EPM2A: variants seen among roughly 807,000 people sequenced by gnomAD.
EPM2A encodes laforin.
EPM2A carries 21 observed loss-of-function variants against 26.5 expected under a neutral mutation model. That is an observed-to-expected ratio of 0.79 (90% CI 0.56 to 1.14). The LOEUF (loss-of-function observed/expected upper bound fraction) is 1.14, where lower values mean the gene tolerates loss of function less well. Among genes scored for constraint, EPM2A ranks in the 50% most tolerant of loss-of-function variants. The pLI is 0.00. For synonymous variants in EPM2A, 217 were observed against 177.6 expected (o/e 1.22, Z -1.76); for missense variants, 458 against 440.8 (o/e 1.04, Z -0.35).
chr6:145,420,961 G>A (rs781297573), intron 4 of EPM2A, among the ~76,000 whole-genome samples: 1 of 152,122 alleles, frequency 6.6e-6, no homozygotes, highest in Non-Finnish European at 1.5e-5. Context: ...TATGAGAGCA[G>A]AGCCTTTGGG....
intron 2 of EPM2A, among the ~76,000 whole-genome samples, chr6:145,678,092 C>T (rs960515547): frequency 2.6e-4 from 40 of 152,042 alleles, no homozygotes; most frequent in African/African-American, 9.2e-4. Context: ...TATAGACTAA[C>T]GGAACACAAC....
intron 4 of EPM2A, among the ~76,000 whole-genome samples, chr6:145,445,204 C>T (rs1235804746): frequency 1.3e-5 from 2 of 152,040 alleles, no homozygotes; most frequent in East Asian, 1.9e-4. Context: ...ATGTACACAG[C>T]CCTAGGCATG....
intron 4 of EPM2A, among the ~76,000 whole-genome samples, chr6:145,408,391 T>C (rs994954188): frequency 6.6e-6 from 1 of 152,200 alleles, no homozygotes; most frequent in Non-Finnish European, 1.5e-5. Context: ...ATGAAGTTCA[T>C]GAATTGATTT....
chr6:145,392,751 G>C (rs1039025074), intron 4 of EPM2A, among the ~76,000 whole-genome samples: 1 of 152,092 alleles, frequency 6.6e-6, no homozygotes, highest in African/African-American at 2.4e-5. Context: ...CTCAGTGGTT[G>C]TCAATTGCTC....
At chr6:145,521,039 G>A (rs2114773604) in intron 2 of EPM2A, among the ~76,000 whole-genome samples, 1 of 152,282 alleles carries the variant, frequency 6.6e-6, no homozygotes, top group South Asian at 2.1e-4. Flanking sequence ...GATGAGACAG[G>A]CAAAAGGAGA....
At chr6:145,612,214 C>T (rs1270183219) in intron 2 of EPM2A, among the ~76,000 whole-genome samples, 3 of 152,062 alleles carry the variant, frequency 2.0e-5, no homozygotes, top group South Asian at 2.1e-4. Context: ...ATTTTATTTG[C>T]GTATTTATTT....
chr6:145,405,861 C>T (rs570713286), intron 4 of EPM2A, among the ~76,000 whole-genome samples: 11 of 152,054 alleles, frequency 7.2e-5, no homozygotes, highest in African/African-American at 2.7e-4. Flanking sequence ...AGTGTTTATA[C>T]CCACTTTACA....
downstream of EPM2A, among the ~76,000 whole-genome samples, chr6:145,499,618 T>C (rs1779862206): frequency 6.6e-6 from 1 of 152,224 alleles, no homozygotes; most frequent in East Asian, 1.9e-4. Context: ...TACTCAGAAA[T>C]ATTGTTTCAT....
At chr6:145,608,600 A>G (rs1281721466) in intron 2 of EPM2A, among the ~76,000 whole-genome samples, 1 of 130,734 alleles carries the variant, frequency 7.6e-6, no homozygotes, top group Non-Finnish European at 1.8e-5. Flanking sequence ...GTGGTACTAA[A>G]GAAAAAAAAA....
intron 4 of EPM2A, among the ~76,000 whole-genome samples, chr6:145,392,753 C>T (rs1778354489): frequency 6.6e-6 from 1 of 152,076 alleles, no homozygotes; most frequent in Middle Eastern, 3.2e-3. Flanking sequence ...CAGTGGTTGT[C>T]AATTGCTCCA....
intron 2 of EPM2A, among the ~76,000 whole-genome samples, chr6:145,645,141 G>C (rs1298853562): frequency 6.6e-6 from 1 of 152,090 alleles, no homozygotes; most frequent in Middle Eastern, 3.2e-3. Flanking sequence ...TTTTATTTAA[G>C]ATCATCTCTT....
intron 1 of EPM2A, among the ~76,000 whole-genome samples, chr6:145,698,788 T>C (rs1781759973): frequency 6.6e-6 from 1 of 151,942 alleles, no homozygotes; most frequent in Non-Finnish European, 1.5e-5. Flanking sequence ...TTAATTAAGG[T>C]AAAACAAGAT....
intron 2 of EPM2A, chr6:145,638,541 T>C (rs1776861390): frequency 6.6e-6 from 1 of 152,224 alleles, no homozygotes; most frequent in African/African-American, 2.4e-5. Context: ...CCTTAAAATA[T>C]ACATCCAGAC....
At chr6:145,692,896 G>A (rs891320578) in intron 1 of EPM2A, among the ~76,000 whole-genome samples, 3 of 151,920 alleles carry the variant, frequency 2.0e-5, no homozygotes, top group Admixed American at 6.6e-5. Context: ...TTGGCTATTC[G>A]AGCTCTTTTT....
chr6:145,735,418 GGGCCGCGACCCCACCACCAGCAGCTCC>G lies in EPM2A; in HGVS notation c.54_80del (p.Leu21_Leu29del). Reference sequence around the variant, plus strand: ...CGCGCGGCTCCCAACGCCCCAGCTCGGGCCGCGACCCCACCACCAGCAGCTCCGGCCGGGCGCCGGCCACGGCGGGTG... The same window carrying G: ...CGCGCGGCTCCCAACGCCCCAGCTCGGGCCGGGCGCCGGCCACGGCGGGTG... On this transcript the variant is annotated inframe_deletion, in exon 1 of 4. Coordinates refer to ENST00000367519, the MANE Select transcript of EPM2A (RefSeq NM_005670.4). The G allele has an allele frequency of 8.0e-7, 1 of 1,252,818 alleles. No individual in the cohort carries two copies. The highest frequency in any genetic ancestry group is 2.6e-5 in the South Asian group (1 of 38,092). The allele number at this position is 1,252,818 out of a possible 1,614,324, so 77.6% of individuals were successfully genotyped here. A position where few individuals can be genotyped will look rare whatever the true frequency, so the allele number is the denominator to read the frequency against.
chr6:145,569,287 C>G (rs1780924446), intron 2 of EPM2A, among the ~76,000 whole-genome samples: 1 of 152,178 alleles, frequency 6.6e-6, no homozygotes, highest in Non-Finnish European at 1.5e-5. Flanking sequence ...ATGATAGTAA[C>G]TGGGCAGTCC....
intron 2 of EPM2A, among the ~76,000 whole-genome samples, chr6:145,615,039 G>A (rs1775475716): frequency 6.6e-6 from 1 of 152,306 alleles, no homozygotes; most frequent in South Asian, 2.1e-4. Flanking sequence ...GTCTTTCATA[G>A]GGTTATTATT....
At chr6:145,570,761 T>C (rs559958773) in intron 2 of EPM2A, among the ~76,000 whole-genome samples, 12 of 152,324 alleles carry the variant, frequency 7.9e-5, no homozygotes, top group African/African-American at 2.9e-4. Flanking sequence ...GCTCTTGTAG[T>C]TTCCCATTGA....
chr6:145,705,804 T>C (rs1782190793), intron 1 of EPM2A: 1 of 452,228 alleles, frequency 2.2e-6, no homozygotes, highest in African/African-American at 2.0e-5. Flanking sequence ...AAAGATATAC[T>C]TCTTCAACAG....
Sources: gnomAD v4.1 joint callset for allele counts (sites outside exome capture counted in the v4.1 genomes callset) on GRCh38, gnomAD v4.1.1 for gene constraint, MANE v1.5 for transcripts, NCBI Gene and HGNC (gene_info 2026-07-23, HGNC 2026-07-21) for gene names.